The following ZFR2 variants were observed in gnomAD, a reference collection of about 807,000 sequenced individuals.
ZFR2 encodes zinc finger RNA-binding protein 2.
Under a neutral mutation model 105.7 loss-of-function variants are expected in ZFR2, and 104 were observed. The ratio of observed to expected loss-of-function variants is 0.98; its 90% confidence interval spans 0.84 to 1.16. The LOEUF is 1.16. Among genes scored for constraint, ZFR2 ranks in the 50% most tolerant of loss-of-function variants. The probability of loss-of-function intolerance (pLI) is 0.00; values close to 1 mark genes in which losing one functional copy is unlikely to be tolerated. For synonymous variants in ZFR2, 634 were observed against 597.7 expected (o/e 1.06, Z -0.89); for missense variants, 1,425 against 1,355.5 (o/e 1.05, Z -0.80).
At chr19:3,865,166 G>A (rs1161389286) in intron 1 of ZFR2, among the ~76,000 whole-genome samples, 1 of 152,102 alleles carries the variant, frequency 6.6e-6, no homozygotes, top group Non-Finnish European at 1.5e-5. Flanking sequence ...AGATTCATAA[G>A]ACCATATAAA....
intron 18 of ZFR2, 97 bp downstream of exon 18, chr19:3,807,075 G>T: frequency 1.1e-6 from 1 of 908,302 alleles, no homozygotes; most frequent in Non-Finnish European, 1.7e-6. Flanking sequence ...GTGGGAGGGA[G>T]AGAAGGGGAA....
chr19:3,814,590 G>T (rs1190742842), intron 13 of ZFR2, among the ~76,000 whole-genome samples: 1 of 152,202 alleles, frequency 6.6e-6, no homozygotes, highest in African/African-American at 2.4e-5. Context: ...CATTACTGGG[G>T]TGGATGTTGT....
chr19:3,830,286 A>T (rs545238090), intron 5 of ZFR2, among the ~76,000 whole-genome samples: 3 of 152,136 alleles, frequency 2.0e-5, no homozygotes, highest in African/African-American at 7.2e-5. Flanking sequence ...TTGAAAATTT[A>T]AAAAATTAGC....
intron 2 of ZFR2, 100 bp from the exon 3 acceptor site, chr19:3,833,878 C>T: frequency 1.1e-6 from 1 of 903,538 alleles, no homozygotes; most frequent in Non-Finnish European, 1.7e-6. Flanking sequence ...GCACTTAGTC[C>T]TTCCTGCAGC....
chr19:3,822,050 C>A (rs893824513), intron 9 of ZFR2, 31 bp downstream of exon 9: 3 of 1,567,780 alleles, frequency 1.9e-6, no homozygotes, highest in Admixed American at 3.7e-5. Context: ...ACAGCCCGGA[C>A]GGGTGTCGGA....
At chr19:3,852,533 A>G (rs367767788) in intron 1 of ZFR2, 54 of 718,484 alleles carry the variant, frequency 7.5e-5, no homozygotes, top group Admixed American at 6.2e-4. Flanking sequence ...TCACAGCGTC[A>G]CTTCCACTGC....
intron 1 of ZFR2, among the ~76,000 whole-genome samples, chr19:3,867,560 C>A (rs1346597327): frequency 6.6e-6 from 1 of 151,732 alleles, no homozygotes; most frequent in African/African-American, 2.4e-5. Context: ...AGGATCCTTT[C>A]TCTCCCTCCC....
At position 3,819,300 on chromosome 19, in the gene ZFR2, C is replaced by T. The variant is rs111763658; in HGVS notation, c.1741-65G>A. On this transcript the variant is annotated intron_variant, in intron 11 of 18. Coordinates refer to ENST00000262961, the MANE Select transcript of ZFR2 (RefSeq NM_015174.2). ...GGACCCTTGGGGAGTGCTGGGCAGG[C>T]GGGCAGGTGGGGGCAGGTGGCCGTG... 64 of 1,401,394 alleles carry T rather than the reference C, an allele frequency of 4.6e-5. No homozygotes were observed. The Middle Eastern group carries it at 1.0e-3, about 23-fold the overall frequency. The allele number at this position is 1,401,394 out of a possible 1,614,324, so 86.8% of individuals were successfully genotyped here. A position where few individuals can be genotyped will look rare whatever the true frequency, so the allele number is the denominator to read the frequency against.
At position 3,808,900 on chromosome 19, in the gene ZFR2, C is replaced by A; in HGVS notation, c.2517G>T (p.Glu839Asp). Residue 839 changes from glutamate to aspartate, a missense_variant, in exon 17 of 19, where the codon GAG becomes GAT. Coordinates refer to ENST00000262961, the MANE Select transcript of ZFR2 (RefSeq NM_015174.2). The part of the protein sequence containing the change: ...GPGDAVRRVL[E>D]CVATGTLLTD... ...TCAGGAGCGTCCCTGTGGCCACGCACTCCAGGACTCGCCTGACTGCATCCC... is the reference window on the plus strand; with the variant it reads ...TCAGGAGCGTCCCTGTGGCCACGCAATCCAGGACTCGCCTGACTGCATCCC... 6.4e-7 allele frequency: 1 copy of A among 1,562,170 alleles called. No individual in the cohort carries two copies. Among genetic ancestry groups the A allele is most frequent in the Non-Finnish European group, 8.7e-7 (1 of 1,155,730 alleles).
chr19:3,833,959 G>A (rs1246380039), intron 2 of ZFR2, among the ~76,000 whole-genome samples, 181 bp from the exon 3 acceptor site: 1 of 152,146 alleles, frequency 6.6e-6, no homozygotes, highest in Non-Finnish European at 1.5e-5. Flanking sequence ...AGGGGGCAGG[G>A]GGCAGGGGGC....
intron 1 of ZFR2, among the ~76,000 whole-genome samples, chr19:3,864,556 G>C (rs779692949): frequency 1.3e-5 from 2 of 152,198 alleles, no homozygotes; most frequent in Non-Finnish European, 2.9e-5. Flanking sequence ...GAAAGGTAAC[G>C]GCAGAGGCCT....
intron 12 of ZFR2, among the ~76,000 whole-genome samples, chr19:3,817,203 G>C (rs1370437013): frequency 6.6e-6 from 1 of 152,096 alleles, no homozygotes; most frequent in Non-Finnish European, 1.5e-5. Context: ...GCTCCACATG[G>C]GTTCCAGAGA....
At chr19:3,828,854 G>A (rs965552356) in intron 5 of ZFR2, among the ~76,000 whole-genome samples, 4 of 152,158 alleles carry the variant, frequency 2.6e-5, no homozygotes, top group African/African-American at 9.7e-5. Context: ...GCAGGCCACC[G>A]GCTTGGCACA....
At position 3,825,424 on chromosome 19, in the gene ZFR2, C is replaced by T. The variant is rs552658819; in HGVS notation, c.1036-17G>A. 9.7e-6 allele frequency: 15 copies of T among 1,553,716 alleles called. No homozygotes were observed. In the East Asian group the frequency reaches 1.9e-4, roughly 20 times the overall value. ...CTTGAAGACCTGCAACAGACAGAGC[C>T]GGGCTCCCGCGTGAGGGCCGCTCCC... On this transcript the variant is annotated splice_polypyrimidine_tract_variant and intron_variant, in intron 6 of 18. Coordinates refer to ENST00000262961, the MANE Select transcript of ZFR2 (RefSeq NM_015174.2).
intron 15 of ZFR2, 147 bp from the exon 16 acceptor site, chr19:3,810,992 C>A: frequency 2.2e-6 from 2 of 898,866 alleles, no homozygotes; most frequent in Non-Finnish European, 3.3e-6. Flanking sequence ...AGAGTCCACT[C>A]CCACATGAGC....
intron 1 of ZFR2, among the ~76,000 whole-genome samples, chr19:3,835,395 A>C (rs2038068734): frequency 6.6e-6 from 1 of 151,770 alleles, no homozygotes; most frequent in African/African-American, 2.4e-5. Flanking sequence ...GCACGATCTT[A>C]GCTCACTGCA....
intron 1 of ZFR2, among the ~76,000 whole-genome samples, chr19:3,841,560 C>T (rs1298659804): frequency 2.6e-5 from 4 of 152,028 alleles, no homozygotes; most frequent in Non-Finnish European, 4.4e-5. Context: ...GGTGGAGCAC[C>T]TGTAGTCCCA....
chr19:3,824,326 A>G (rs192113026), intron 7 of ZFR2, among the ~76,000 whole-genome samples: 2 of 152,280 alleles, frequency 1.3e-5, no homozygotes, highest in East Asian at 3.9e-4. Flanking sequence ...AAACCACGAA[A>G]AAAGAGTTGT....
At chr19:3,855,465 T>C in intron 1 of ZFR2, 1 of 1,231,506 alleles carries the variant, frequency 8.1e-7, no homozygotes, top group East Asian at 3.2e-5. Context: ...ATTGGATAAA[T>C]ACTTCCTGGG....
Sources: allele counts gnomAD v4.1 joint callset (sites outside exome capture counted in the v4.1 genomes callset), GRCh38; gene constraint gnomAD v4.1.1; transcripts MANE v1.5; gene names NCBI Gene and HGNC (gene_info 2026-07-23, HGNC 2026-07-21).